The following MGST2 variants were observed in gnomAD, a reference collection of about 807,000 sequenced individuals.
MGST2 encodes microsomal glutathione S-transferase 2.
A neutral mutation model predicts 16.6 loss-of-function variants in MGST2; 9 were observed. The ratio of observed to expected loss-of-function variants is 0.54; its 90% CI spans 0.33 to 0.95. The LOEUF is 0.95. Among genes scored for constraint, MGST2 ranks in the 40% least tolerant of loss-of-function variants. The probability of loss-of-function intolerance (pLI) is 0.03; values close to 1 mark genes in which losing one functional copy is unlikely to be tolerated. For missense variants in MGST2, 159 were observed against 175.1 expected, an observed-to-expected ratio of 0.91 and a Z score of 0.52; for synonymous variants, 79 against 68.0, an observed-to-expected ratio of 1.16 and a Z score of -0.79.
At chr4:139,683,738 A>C (rs1425750005) in intron 2 of MGST2, among the ~76,000 whole-genome samples, 2 of 152,048 alleles carry the variant, frequency 1.3e-5, no homozygotes, top group Non-Finnish European at 2.9e-5. Context: ...GCTGATAAAG[A>C]CATACCCGAG....
At chr4:139,753,102 G>A in the MGST2 span, among the ~76,000 whole-genome samples, 2 of 152,188 alleles carry the variant, frequency 1.3e-5, no homozygotes, top group African/African-American at 4.8e-5. Flanking sequence ...TTTGTAGAAA[G>A]AGAGGGTTAC....
At chr4:139,706,817 CT>C (rs1241619217), downstream of MGST2, among the ~76,000 whole-genome samples, 1 of 152,116 alleles carries the variant, frequency 6.6e-6, no homozygotes, top group Non-Finnish European at 1.5e-5. Context: ...ACCAGGCAAC[CT>C]TTTGATTATT....
chr4:139,711,021 T>C (rs1727719159), intron 5 of MGST2, among the ~76,000 whole-genome samples: 1 of 151,682 alleles, frequency 6.6e-6, no homozygotes, highest in Non-Finnish European at 1.5e-5. Flanking sequence ...CCCTTTTTTT[T>C]TTTTTGTTTT....
chr4:139,754,573 T>G, the MGST2 span, among the ~76,000 whole-genome samples: 2 of 152,260 alleles, frequency 1.3e-5, no homozygotes, highest in African/African-American at 2.4e-5. Context: ...TAAACTTTTA[T>G]GTATATCTCT....
chr4:139,751,485 G>C, the MGST2 span, among the ~76,000 whole-genome samples: 1 of 152,202 alleles, frequency 6.6e-6, no homozygotes, highest in Non-Finnish European at 1.5e-5. Flanking sequence ...AGTTTTGACT[G>C]CATTTTGACT....
intron 2 of MGST2, among the ~76,000 whole-genome samples, chr4:139,692,675 C>T (rs1314203102): frequency 1.3e-5 from 2 of 152,256 alleles, no homozygotes. Flanking sequence ...AGGTGTGAAA[C>T]TAGTTCCCTA....
At chr4:139,752,863 T>C in the MGST2 span, among the ~76,000 whole-genome samples, 2 of 152,198 alleles carry the variant, frequency 1.3e-5, no homozygotes, top group African/African-American at 4.8e-5. Flanking sequence ...GTTAATGCGA[T>C]GTCATTAGCT....
At chr4:139,685,978 C>G (rs1206876343) in intron 2 of MGST2, among the ~76,000 whole-genome samples, 1 of 152,206 alleles carries the variant, frequency 6.6e-6, no homozygotes, top group Non-Finnish European at 1.5e-5. Flanking sequence ...GAGATTTATT[C>G]TGAGCCAAAT....
chr4:139,753,378 A>ATCTG, the MGST2 span, among the ~76,000 whole-genome samples: 1 of 151,280 alleles, frequency 6.6e-6, no homozygotes, highest in Non-Finnish European at 1.5e-5. Context: ...CTATCTATCT[A>ATCTG]TCTATCTATT....
At chr4:139,699,311 GCAT>G (rs1269202630) in intron 3 of MGST2, among the ~76,000 whole-genome samples, 4 of 152,094 alleles carry the variant, frequency 2.6e-5, no homozygotes, top group Non-Finnish European at 5.9e-5. Flanking sequence ...ACTACAAGTG[GCAT>G]CATGCATTAT....
At chr4:139,716,196 T>C (rs1727949776) in intron 5 of MGST2, among the ~76,000 whole-genome samples, 1 of 124,754 alleles carries the variant, frequency 8.0e-6, no homozygotes, top group Non-Finnish European at 1.9e-5. Flanking sequence ...AGTCACTGGC[T>C]AAAGTCAATC....
At chr4:139,744,784 C>T (rs557883013), downstream of MGST2, among the ~76,000 whole-genome samples, 1 of 152,126 alleles carries the variant, frequency 6.6e-6, no homozygotes, top group East Asian at 1.9e-4. Context: ...AAAGATGACA[C>T]CAGCTGGTCA....
At chr4:139,723,960 A>G (rs1560769451) in intron 5 of MGST2, among the ~76,000 whole-genome samples, 1 of 152,218 alleles carries the variant, frequency 6.6e-6, no homozygotes, top group Admixed American at 6.5e-5. Flanking sequence ...AGTGCAGGCT[A>G]AAGTTTGAGA....
chr4:139,716,643 T>TATC (rs1227434235), intron 5 of MGST2: 15 of 152,616 alleles, frequency 9.8e-5, no homozygotes, highest in Non-Finnish European at 2.2e-4. Flanking sequence ...TAAAGAATGA[T>TATC]ATCAAAATTT....
At chr4:139,703,071 GCCCGC>G (rs1216167645) in intron 3 of MGST2, among the ~76,000 whole-genome samples, 2 of 151,338 alleles carry the variant, frequency 1.3e-5, no homozygotes, top group Non-Finnish European at 2.9e-5. Flanking sequence ...GACTGCAGGT[GCCCGC>G]CACCATGCCC....
chr4:139,698,378 A>G, intron 3 of MGST2: 3 of 1,605,516 alleles, frequency 1.9e-6, no homozygotes, highest in Non-Finnish European at 2.6e-6. Context: ...CCAGAAGTTC[A>G]GTGGACTTCT....
chr4:139,741,935 C>G (rs1729179460), downstream of MGST2, among the ~76,000 whole-genome samples: 1 of 152,058 alleles, frequency 6.6e-6, no homozygotes, highest in African/African-American at 2.4e-5. Context: ...CCTGGGCACT[C>G]CAAAAAATAG....
At chr4:139,714,765 G>C (rs1157458975) in intron 5 of MGST2, among the ~76,000 whole-genome samples, 2 of 150,980 alleles carry the variant, frequency 1.3e-5, no homozygotes, top group East Asian at 3.9e-4. Flanking sequence ...AAGGTGAAAT[G>C]ATCAGGGAGG....
chr4:139,742,840 C>A (rs749275478), downstream of MGST2, among the ~76,000 whole-genome samples: 2 of 152,126 alleles, frequency 1.3e-5, no homozygotes, highest in Non-Finnish European at 2.9e-5. Flanking sequence ...ACCTTTTTGA[C>A]TATAACAATA....
Sources: allele counts gnomAD v4.1 joint callset (sites outside exome capture counted in the v4.1 genomes callset), GRCh38; gene constraint gnomAD v4.1.1; transcripts MANE v1.5; gene names NCBI Gene and HGNC (gene_info 2026-07-23, HGNC 2026-07-21).